NRXN1: variants seen among roughly 807,000 people sequenced by gnomAD.
NRXN1 encodes neurexin-1.
Under a neutral mutation model 150.9 loss-of-function variants are expected in NRXN1, and 39 were observed. That is an observed-to-expected ratio of 0.26 (90% CI 0.20 to 0.34). The LOEUF is 0.34. Among genes scored for constraint, NRXN1 ranks in the 10% least tolerant of loss-of-function variants. The pLI is 1.00. For synonymous variants in NRXN1, 924 were observed against 757.0 expected (o/e 1.22, Z -3.62); for missense variants, 1,815 against 1,949.9 (o/e 0.93, Z 1.30).
At chr2:50,435,006 A>T (rs2085305381) in intron 17 of NRXN1, among the ~76,000 whole-genome samples, 1 of 152,220 alleles carries the variant, frequency 6.6e-6, no homozygotes, top group South Asian at 2.1e-4. Context: ...TAGAAATATA[A>T]GCACCTATTT....
chr2:50,079,309 A>C (rs1697572490), intron 19 of NRXN1, among the ~76,000 whole-genome samples: 1 of 152,040 alleles, frequency 6.6e-6, no homozygotes, highest in Admixed American at 6.5e-5. Flanking sequence ...AAATGTGTCC[A>C]CTACTATCTA....
At position 51,029,000 on chromosome 2, in the gene NRXN1, T is replaced by G. The variant is rs542774272; in HGVS notation, c.-727A>C. Reference sequence around the variant, plus strand: ...TCACAAGTTGGATTTTACTTCTCTTTTCAGCCACGGCAACAGTAGGACTCA... The same window carrying G: ...TCACAAGTTGGATTTTACTTCTCTTGTCAGCCACGGCAACAGTAGGACTCA... On this transcript the variant is annotated 5_prime_UTR_variant, in exon 2 of 23. Coordinates refer to ENST00000401669, the MANE Select transcript of NRXN1 (RefSeq NM_001330078.2). 2 of 152,364 alleles carry G rather than the reference T, an allele frequency of 1.3e-5. No individual in the cohort carries two copies. The highest frequency in any genetic ancestry group is 1.3e-4 in the Admixed American group (2 of 15,302). 9.4% of individuals were successfully genotyped at this position (152,364 alleles called of 1,614,324 possible).
intron 2 of NRXN1, among the ~76,000 whole-genome samples, chr2:50,960,949 C>G (rs1203054524): frequency 6.6e-6 from 1 of 151,938 alleles, no homozygotes; most frequent in African/African-American, 2.4e-5. Context: ...GCAACTGTCT[C>G]TGTTAATCCT....
chr2:50,105,463 C>G (rs1573939617), intron 18 of NRXN1, among the ~76,000 whole-genome samples: 1 of 152,164 alleles, frequency 6.6e-6, no homozygotes, highest in East Asian at 1.9e-4. Context: ...TACCCAACCC[C>G]TTCCCACCTA....
chr2:50,710,935 G>T (rs552075406), intron 5 of NRXN1, among the ~76,000 whole-genome samples: 1 of 152,026 alleles, frequency 6.6e-6, no homozygotes, highest in East Asian at 1.9e-4. Context: ...TTACAACCAG[G>T]TGCAGTAAAA....
chr2:50,204,125 G>C (rs963505710), intron 18 of NRXN1, among the ~76,000 whole-genome samples: 1 of 152,018 alleles, frequency 6.6e-6, no homozygotes, highest in African/African-American at 2.4e-5. Context: ...CGCCTTAAGT[G>C]AATAAGGATC....
intron 7 of NRXN1, 31 bp from the exon 8 acceptor site, chr2:50,620,214 C>G (rs1266013276): frequency 1.2e-6 from 2 of 1,609,724 alleles, no homozygotes; most frequent in Non-Finnish European, 1.7e-6. Flanking sequence ...AAAGGACACG[C>G]TATACTCAGA....
chr2:50,275,140 A>G (rs371280992), intron 17 of NRXN1, among the ~76,000 whole-genome samples: 15 of 152,168 alleles, frequency 9.9e-5, no homozygotes, highest in Non-Finnish European at 2.2e-4. Flanking sequence ...CTGGACTACA[A>G]TGTTATCTTT....
chr2:50,168,491 G>A (rs1286210688), intron 18 of NRXN1, among the ~76,000 whole-genome samples: 3 of 152,184 alleles, frequency 2.0e-5, no homozygotes, highest in Non-Finnish European at 4.4e-5. Flanking sequence ...AAATTTGAGT[G>A]AGAAAAGCTA....
At chr2:49,948,828 G>T (rs540409616) in intron 21 of NRXN1, among the ~76,000 whole-genome samples, 1 of 151,782 alleles carries the variant, frequency 6.6e-6, no homozygotes, top group Non-Finnish European at 1.5e-5. Context: ...GAGACAACCT[G>T]CTGAAAAAGA....
chr2:51,031,119 G>A (rs1490637806), intron 1 of NRXN1, among the ~76,000 whole-genome samples: 1 of 151,976 alleles, frequency 6.6e-6, no homozygotes, highest in Non-Finnish European at 1.5e-5. Flanking sequence ...CTTGGAGGAA[G>A]CTCATTGTAT....
At chr2:50,823,243 G>C (rs987429488) in intron 5 of NRXN1, among the ~76,000 whole-genome samples, 2 of 152,134 alleles carry the variant, frequency 1.3e-5, no homozygotes, top group Non-Finnish European at 2.9e-5. Flanking sequence ...GAAAACCAAA[G>C]AGATTATTTA....
At chr2:50,387,582 T>C (rs2081408869) in intron 17 of NRXN1, among the ~76,000 whole-genome samples, 1 of 152,170 alleles carries the variant, frequency 6.6e-6, no homozygotes, top group Admixed American at 6.6e-5. Context: ...AGAGAACTTC[T>C]GCTAAGGTAG....
intron 8 of NRXN1, among the ~76,000 whole-genome samples, chr2:50,566,282 C>A (rs1409615414): frequency 6.6e-6 from 1 of 152,086 alleles, no homozygotes; most frequent in African/African-American, 2.4e-5. Context: ...TCTCACTCTG[C>A]ACCCAGGCTG....
At chr2:50,365,580 A>C (rs976705442) in intron 17 of NRXN1, among the ~76,000 whole-genome samples, 2 of 152,056 alleles carry the variant, frequency 1.3e-5, no homozygotes, top group Admixed American at 6.6e-5. Flanking sequence ...TTTTTGATAA[A>C]ACCTTATAAT....
chr2:50,033,082 A>G (rs1689429209), intron 21 of NRXN1, among the ~76,000 whole-genome samples: 1 of 151,822 alleles, frequency 6.6e-6, no homozygotes, highest in Admixed American at 6.6e-5. Flanking sequence ...ATTTGTCTCT[A>G]TTAACTAAAA....
intron 8 of NRXN1, among the ~76,000 whole-genome samples, chr2:50,571,496 G>A (rs181415437): frequency 6.6e-6 from 1 of 152,168 alleles, no homozygotes; most frequent in East Asian, 1.9e-4. Context: ...CTCTGTCCTT[G>A]TTGTTTCTTG....
intron 17 of NRXN1, among the ~76,000 whole-genome samples, chr2:50,412,888 G>A (rs1046955961): frequency 1.3e-5 from 2 of 152,158 alleles, no homozygotes; most frequent in Non-Finnish European, 2.9e-5. Flanking sequence ...ATATGCAGAA[G>A]AACGAAGCTA....
At chr2:50,884,066 TAA>T (rs1679858829) in intron 5 of NRXN1, among the ~76,000 whole-genome samples, 1 of 151,744 alleles carries the variant, frequency 6.6e-6, no homozygotes, top group South Asian at 2.1e-4. Context: ...GTTAAGAAGG[TAA>T]ATATAAAGCA....
Sources: gnomAD v4.1 joint callset for allele counts (sites outside exome capture counted in the v4.1 genomes callset) on GRCh38, gnomAD v4.1.1 for gene constraint, MANE v1.5 for transcripts, NCBI Gene and HGNC (gene_info 2026-07-23, HGNC 2026-07-21) for gene names.